The following GPC6 variants were observed in gnomAD, a reference collection of about 807,000 sequenced individuals.
The protein encoded by GPC6 is glypican 6.
In GPC6, 14 loss-of-function variants were observed where a neutral mutation model predicts 55.2. That is an observed-to-expected ratio of 0.25 (90% CI 0.17 to 0.40). The LOEUF is 0.40. Among genes scored for constraint, GPC6 ranks in the 10% least tolerant of loss-of-function variants. GPC6 has a pLI of 1.00. For synonymous variants in GPC6, 278 were observed against 259.6 expected (o/e 1.07, Z -0.68); for missense variants, 641 against 708.5 (o/e 0.90, Z 1.08).
intron 3 of GPC6, among the ~76,000 whole-genome samples, chr13:93,927,940 G>T (rs1299932502): frequency 6.6e-6 from 1 of 151,952 alleles, no homozygotes; most frequent in Non-Finnish European, 1.5e-5. Context: ...TCACAATCCA[G>T]GTGTGTCATA....
At chr13:93,609,652 G>A (rs773033027) in intron 2 of GPC6, among the ~76,000 whole-genome samples, 1 of 152,220 alleles carries the variant, frequency 6.6e-6, no homozygotes, top group African/African-American at 2.4e-5. Flanking sequence ...ATTCCTATGT[G>A]ACTTGTGTCC....
intron 2 of GPC6, among the ~76,000 whole-genome samples, chr13:93,687,086 C>T (rs995625564): frequency 1.3e-5 from 2 of 151,896 alleles, no homozygotes; most frequent in Admixed American, 6.6e-5. Context: ...AGCTGGAATT[C>T]TTTGCTGGAA....
At chr13:94,096,822 T>G (rs1418215554) in intron 4 of GPC6, among the ~76,000 whole-genome samples, 1 of 152,162 alleles carries the variant, frequency 6.6e-6, no homozygotes, top group African/African-American at 2.4e-5. Flanking sequence ...GTCTCACCAG[T>G]TCACTTCCTT....
chr13:94,038,214 A>G (rs1883409307), intron 4 of GPC6, among the ~76,000 whole-genome samples: 1 of 151,926 alleles, frequency 6.6e-6, no homozygotes, highest in Non-Finnish European at 1.5e-5. Context: ...TTAAATTTCA[A>G]TCACCATATG....
At chr13:93,300,850 T>C (rs1171738940) in intron 1 of GPC6, among the ~76,000 whole-genome samples, 1 of 151,522 alleles carries the variant, frequency 6.6e-6, no homozygotes, top group African/African-American at 2.4e-5. Context: ...AGAAACTCCA[T>C]CTCTACTAAA....
intron 2 of GPC6, among the ~76,000 whole-genome samples, chr13:93,569,441 A>G (rs1392566145): frequency 6.6e-6 from 1 of 152,154 alleles, no homozygotes; most frequent in Non-Finnish European, 1.5e-5. Context: ...GAGAATTTCA[A>G]TCAACTTCCT....
Position 94,286,368 on chromosome 13 carries a change from A to G in GPC6, c.897A>G (p.Ala299=). The change falls in exon 5 of 9, where the codon GCA becomes GCG. Residue 299 remains alanine, a synonymous_variant. Coordinates refer to ENST00000377047, the MANE Select transcript of GPC6 (RefSeq NM_005708.5). ...TAACAGATGCAATGCTCTTGGTGGC[A>G]GAGCGACTGGAGGGGCCATTCAACA... is the stretch of plus-strand genomic sequence containing the variant. ...NLFIDAMLLV[A]ERLEGPFNIE... The G allele has an allele frequency of 1.2e-6, 2 of 1,613,898 alleles. No homozygotes were observed. The highest frequency in any genetic ancestry group is 2.2e-5 in the South Asian group (2 of 91,076).
In GPC6 at chr13:93,553,746, T is replaced by C. The variant is rs1373613976; in HGVS notation, c.319+8325T>C. Among the ~76,000 whole-genome samples, 3 of 142,714 alleles carry C rather than the reference T, an allele frequency of 2.1e-5. No homozygotes were observed. The East Asian group carries it at 6.2e-4, about 30-fold the overall frequency. 93.6% of individuals were successfully genotyped at this position (142,714 alleles called of 152,430 possible). ...AGGAATGAGATGGGCAGAAAGATGA[T>C]CATTGTTGAAGCTGGTTGATGAGTC... On this transcript the variant is annotated intron_variant, in intron 2 of 8. Coordinates refer to ENST00000377047, the MANE Select transcript of GPC6 (RefSeq NM_005708.5).
intron 8 of GPC6, among the ~76,000 whole-genome samples, chr13:94,399,317 G>A (rs1307570538): frequency 6.6e-6 from 1 of 152,144 alleles, no homozygotes; most frequent in Admixed American, 6.5e-5. Context: ...TATTACACAC[G>A]ACTATTTCAT....
rs191667872 is a variant in GPC6 at position 94,160,824 on chromosome 13, T to C, written c.878-125525T>C. 3.3e-5 allele frequency among the ~76,000 whole-genome samples: 5 copies of C among 152,320 alleles called. No homozygotes were observed. In the East Asian group the frequency reaches 9.6e-4, roughly 29 times the overall value. On this transcript the variant is annotated intron_variant, in intron 4 of 8. Transcript: ENST00000377047. ...ACAAATTTGTCAATTATTTTTTAAT[T>C]TTGGAACACTGATTCAAAGTTTTAT...
At chr13:93,832,895 T>C (rs1305785847) in intron 3 of GPC6, among the ~76,000 whole-genome samples, 2 of 152,156 alleles carry the variant, frequency 1.3e-5, no homozygotes, top group Non-Finnish European at 1.5e-5. Flanking sequence ...GAACAATTGC[T>C]GTGGGCATGG....
chr13:94,306,274 T>C (rs1489997324), intron 6 of GPC6, 151 bp downstream of exon 6: 1 of 795,972 alleles, frequency 1.3e-6, no homozygotes, highest in South Asian at 1.5e-5. Context: ...TGAAAAGTAA[T>C]GGGATCTTTC....
chr13:93,416,329 TG>T (rs1475743173), intron 1 of GPC6, among the ~76,000 whole-genome samples: 1 of 152,170 alleles, frequency 6.6e-6, no homozygotes, highest in Non-Finnish European at 1.5e-5. Flanking sequence ...AGCTTTACTT[TG>T]TAAACACTTA....
chr13:94,106,392 G>C (rs994310691), intron 4 of GPC6, among the ~76,000 whole-genome samples: 1 of 152,170 alleles, frequency 6.6e-6, no homozygotes, highest in African/African-American at 2.4e-5. Context: ...TGGTGAAAGT[G>C]GGTAGCGAGA....
intron 4 of GPC6, among the ~76,000 whole-genome samples, chr13:94,164,608 G>A (rs1273545324): frequency 6.6e-6 from 1 of 152,098 alleles, no homozygotes; most frequent in African/African-American, 2.4e-5. Flanking sequence ...GGCTATTAGT[G>A]CAAAATAAAT....
intron 2 of GPC6, among the ~76,000 whole-genome samples, chr13:93,810,868 AC>A (rs763956231): frequency 8.5e-5 from 13 of 152,192 alleles, no homozygotes; most frequent in Middle Eastern, 3.2e-3. Flanking sequence ...TTTCTTACTT[AC>A]ATAGTTTTGA....
intron 1 of GPC6, among the ~76,000 whole-genome samples, chr13:93,539,930 A>G (rs1268762254): frequency 6.6e-6 from 1 of 152,112 alleles, no homozygotes; most frequent in African/African-American, 2.4e-5. Context: ...ACCTCAGGTG[A>G]TGTGCCTGCC....
chr13:93,224,099 C>T (rs1875693828), upstream of GPC6, among the ~76,000 whole-genome samples: 1 of 151,860 alleles, frequency 6.6e-6, no homozygotes, highest in Admixed American at 6.6e-5. Context: ...GGGGTTTCAC[C>T]GTGTTAGCCA....
intron 3 of GPC6, among the ~76,000 whole-genome samples, chr13:94,013,590 T>G (rs1882338219): frequency 6.6e-6 from 1 of 152,240 alleles, no homozygotes; most frequent in South Asian, 2.1e-4. Context: ...CCTCAGGTGA[T>G]CTGCCCGGCT....
Sources: gnomAD v4.1 joint callset for allele counts (sites outside exome capture counted in the v4.1 genomes callset) on GRCh38, gnomAD v4.1.1 for gene constraint, MANE v1.5 for transcripts, NCBI Gene and HGNC (gene_info 2026-07-23, HGNC 2026-07-21) for gene names.